Variants in BAIAP2L2 observed in about 807,000 individuals in gnomAD.
BAIAP2L2 encodes the protein BAR/IMD domain-containing adapter protein 2-like 2.
A neutral mutation model predicts 60.4 loss-of-function variants in BAIAP2L2; 65 were observed. That is an observed-to-expected ratio of 1.08 (90% confidence interval 0.88 to 1.32). BAIAP2L2 has a LOEUF of 1.32. BAIAP2L2 is among the 40% of genes most tolerant of loss of function. BAIAP2L2 has a pLI of 0.00. For synonymous variants in BAIAP2L2, 344 were observed against 301.7 expected, an observed-to-expected ratio of 1.14 and a Z score of -1.45; for missense variants, 836 against 741.2, an observed-to-expected ratio of 1.13 and a Z score of -1.48.
At chr22:38,089,495 C>G (rs1291348293) in intron 8 of BAIAP2L2, 27 bp downstream of exon 8, 1 of 1,184,736 alleles carries the variant, frequency 8.4e-7, no homozygotes, top group Non-Finnish European at 1.0e-6. Flanking sequence ...GGGGCGCGAA[C>G]GGCGGCGGGG....
In BAIAP2L2 at chr22:38,085,714, G is replaced by A. The variant is rs1308804334; in HGVS notation, c.1486C>T (p.Gln496Ter). Residue 496 changes from glutamine (Q) to a stop codon, truncating the protein, a stop_gained, in exon 13 of 14, where the codon CAG becomes TAG. Coordinates refer to ENST00000381669, the MANE Select transcript of BAIAP2L2 (RefSeq NM_025045.6). LOFTEE classifies it high-confidence loss of function. ...TDVKKLMSSE[Q>*]YPPQELFPRG... The stretch of plus-strand genomic sequence containing the variant: ...GGGAAGAGCTCCTGTGGTGGGTACT[G>A]CTCTGAGGACATCAGTTTCTGCAGT... 6.2e-7 allele frequency: 1 copy of A among 1,604,960 alleles called. No individual in the cohort carries two copies. The highest frequency in any genetic ancestry group is 8.5e-7 in the Non-Finnish European group (1 of 1,177,240).
chr22:38,108,011 G>C (rs1440978840), intron 3 of BAIAP2L2, 98 bp from the exon 4 acceptor site: 14 of 1,350,870 alleles, frequency 1.0e-5, no homozygotes, highest in Middle Eastern at 4.3e-4. Flanking sequence ...GCCTGCCCGA[G>C]ACTGGATTTT....
Position 38,088,891 on chromosome 22 carries a change from G to A in BAIAP2L2, c.975C>T (p.Gly325=), listed in dbSNP as rs1407845314. 2.5e-6 allele frequency: 4 copies of A among 1,575,520 alleles called. No individual in the cohort carries two copies. The highest frequency in any genetic ancestry group is 1.7e-4 in the Middle Eastern group (1 of 5,966). Residue 325 remains glycine (G), a synonymous_variant, in exon 10 of 14, where the codon GGC becomes GGT. Transcript: ENST00000381669. ...AGACCAGGGCGCGGACTCTCCTGGC[G>A]CCCCCGCCGCCGCCCGGGCGCTCGC... The part of the protein sequence containing the change: ...SFGERPGGGG[G]ARRVRALVSH...
chr22:38,093,180 AAAAG>A lies in BAIAP2L2; in HGVS notation c.613-3510_613-3507del, dbSNP rs376749271. 3.8e-3 allele frequency among the ~76,000 whole-genome samples: 578 copies of A among 152,212 alleles called. 1 individual carries two copies. Among genetic ancestry groups the A allele is most frequent in the African/African-American group, 0.012 (516 of 41,538 alleles). On this transcript the variant is annotated intron_variant, in intron 7 of 13. Transcript: ENST00000381669. ...GAACTCCATCTTAAAATAAAAAGAA[AAAAG>A]AAAGAGTGTGGCACCCCACCGGCTC... is the stretch of plus-strand genomic sequence containing the variant.
Position 38,087,131 on chromosome 22 carries a change from G to A in BAIAP2L2, c.1252C>T (p.Pro418Ser), listed in dbSNP as rs2086108020. ...MTPMNPGNEL[P>S]SRSYPLRGSH... ...CCCTGATGACTCAGGTACCTGGAAG[G>A]CAGCTCGTTCCCGGGGTTCATGGGT... The change falls in exon 11 of 14, where the codon CCT (proline) becomes TCT (serine). Residue 418 changes from proline to serine, a missense_variant. Physicochemically the swap from Pro to Ser is moderately conservative, Grantham distance 74. Transcript: ENST00000381669. 1.3e-6 allele frequency: 2 copies of A among 1,559,044 alleles called. No individual in the cohort carries two copies. The highest frequency in any genetic ancestry group is 1.4e-5 in the African/African-American group (1 of 72,176).
At position 38,086,108 on chromosome 22, in the gene BAIAP2L2, G is replaced by A. The variant is rs188876453; in HGVS notation, c.1467+134C>T. The A allele has an allele frequency of 6.5e-4, 659 of 1,013,294 alleles. 5 individuals carry two copies. The African/African-American group carries it at 9.0e-3, about 14-fold the overall frequency. The allele number at this position is 1,013,294 out of a possible 1,614,324, so 62.8% of individuals were successfully genotyped here. ...ACTCAGCCCCACACCACCCCTCCCT[G>A]CACTGAGGAACAGACTGAGTGAGGC... On this transcript the variant is annotated intron_variant, in intron 12 of 13. Transcript: ENST00000381669.
chr22:38,089,715 G>A (rs1601999000), intron 7 of BAIAP2L2, 41 bp from the exon 8 acceptor site: 8 of 1,225,708 alleles, frequency 6.5e-6, no homozygotes, highest in Non-Finnish European at 8.1e-6. Flanking sequence ...GGTCCGGGCG[G>A]CTCCCTGAAT....
At chr22:38,103,863 A>C (rs1000291827) in intron 4 of BAIAP2L2, among the ~76,000 whole-genome samples, 1 of 45,834 alleles carries the variant, frequency 2.2e-5, no homozygotes, top group Non-Finnish European at 6.4e-5. Context: ...ACTCCATGTC[A>C]AAAAAAAAAA....
chr22:38,098,514 G>GC (rs1285448046), intron 4 of BAIAP2L2, 32 bp from the exon 5 acceptor site: 11 of 1,587,038 alleles, frequency 6.9e-6, no homozygotes, highest in African/African-American at 2.7e-5. Flanking sequence ...GGTGATCAAG[G>GC]CCCCCCTACT....
intron 2 of BAIAP2L2, among the ~76,000 whole-genome samples, chr22:38,108,637 G>A (rs1392082745): frequency 1.3e-5 from 2 of 152,254 alleles, no homozygotes; most frequent in East Asian, 1.9e-4. Context: ...GGTATGAGCG[G>A]CCACAGCGGA....
chr22:38,098,472 A>G lies in BAIAP2L2; in HGVS notation c.287T>C (p.Phe96Ser), dbSNP rs1346435519. Reference sequence around the variant, plus strand: ...CATGTGCTGCAGCAGGCCTCCATGGAATGTCTGCACCTGAGCGGAGTGCAG... The same window carrying G: ...CATGTGCTGCAGCAGGCCTCCATGGGATGTCTGCACCTGAGCGGAGTGCAG... ...NSDLEVVVQT[F>S]HGGLLQHMEK... is the part of the protein sequence containing the mutation. The change falls in exon 5 of 14, where the codon TTC becomes TCC. Residue 96 changes from phenylalanine (F) to serine (S), a missense_variant. Physicochemically the swap from Phe to Ser is radical, Grantham distance 155. Transcript: ENST00000381669. 1 of 1,613,672 alleles carries G rather than the reference A, an allele frequency of 6.2e-7. No individual in the cohort carries two copies. Among genetic ancestry groups the G allele is most frequent in the South Asian group, 1.1e-5 (1 of 91,064 alleles).
rs757061761 is a variant in BAIAP2L2 at position 38,109,132 on chromosome 22, C to T, written c.127+1G>A. On this transcript the variant is annotated splice_donor_variant, in intron 2 of 13. Transcript: ENST00000381669. LOFTEE classifies it high-confidence loss of function. ...GCTCGGTGGCCCGGGCAGGCACTCACCGTGGAAGGCACGCAGGTAGTTGTT... is the reference window on the plus strand; with the variant it reads ...GCTCGGTGGCCCGGGCAGGCACTCATCGTGGAAGGCACGCAGGTAGTTGTT... 6.2e-7 allele frequency: 1 copy of T among 1,611,418 alleles called. No homozygotes were observed. The highest frequency in any genetic ancestry group is 8.5e-7 in the Non-Finnish European group (1 of 1,178,736).
Position 38,097,091 on chromosome 22 carries a change from G to A in BAIAP2L2, c.553C>T (p.Arg185Cys), listed in dbSNP as rs757032235. The change falls in exon 7 of 14, where the codon CGC (arginine) becomes TGC (cysteine). Residue 185 changes from arginine (R) to cysteine (C), a missense_variant. Transcript: ENST00000381669. ...AGCAGGTGCTTCTCTGCTAGGAAGC[G>A]ATAGCGCCGCTTCTCTTCCAATTCA... ...AAELEEKRRYRFLAEKHLLLS... is the reference protein window; with the variant it reads ...AAELEEKRRYCFLAEKHLLLS... 6.2e-7 allele frequency: 1 copy of A among 1,614,092 alleles called. No individual in the cohort carries two copies. Among genetic ancestry groups the A allele is most frequent in the East Asian group, 2.2e-5 (1 of 44,878 alleles).
At chr22:38,105,924 G>A (rs1313648258) in intron 4 of BAIAP2L2, among the ~76,000 whole-genome samples, 2 of 152,202 alleles carry the variant, frequency 1.3e-5, no homozygotes, top group African/African-American at 2.4e-5. Flanking sequence ...TGTCTGGTAT[G>A]ATTCTGGCCA....
At chr22:38,099,371 T>C (rs778027547) in intron 4 of BAIAP2L2, among the ~76,000 whole-genome samples, 3 of 152,050 alleles carry the variant, frequency 2.0e-5, no homozygotes, top group Admixed American at 6.5e-5. Context: ...CCATCTCTAC[T>C]AAAAATGCAA....
At chr22:38,109,915 T>A (rs2086768134) in intron 1 of BAIAP2L2, among the ~76,000 whole-genome samples, 1 of 150,316 alleles carries the variant, frequency 6.7e-6, no homozygotes, top group Non-Finnish European at 1.5e-5. Flanking sequence ...GTGGGTGGTG[T>A]GAGGCCTCCA....
At chr22:38,108,977 C>T (rs2086728921) in intron 2 of BAIAP2L2, among the ~76,000 whole-genome samples, 156 bp downstream of exon 2, 1 of 150,112 alleles carries the variant, frequency 6.7e-6, no homozygotes, top group Non-Finnish European at 1.5e-5. Flanking sequence ...CATAAGGCCT[C>T]TCTGGCTGCA....
At chr22:38,108,423 G>T in intron 2 of BAIAP2L2, 82 bp from the exon 3 acceptor site, 2 of 1,124,702 alleles carry the variant, frequency 1.8e-6, no homozygotes, top group Non-Finnish European at 2.6e-6. Context: ...GGAGGGGACT[G>T]TGTCTGTCCT....
At chr22:38,110,316 G>A (rs1352013282) in intron 1 of BAIAP2L2, among the ~76,000 whole-genome samples, 159 bp downstream of exon 1, 1 of 151,802 alleles carries the variant, frequency 6.6e-6, no homozygotes, top group South Asian at 2.1e-4. Flanking sequence ...TGCTCTCGGG[G>A]ATCCTTACCC....
Sources: allele counts gnomAD v4.1 joint callset (sites outside exome capture counted in the v4.1 genomes callset), GRCh38; gene constraint gnomAD v4.1.1; transcripts MANE v1.5; gene names NCBI Gene and HGNC (gene_info 2026-07-23, HGNC 2026-07-21).